The following PDE10A variants were observed in gnomAD, a reference collection of about 807,000 sequenced individuals.
PDE10A encodes the protein cAMP and cAMP-inhibited cGMP 3',5'-cyclic phosphodiesterase 10A.
A neutral mutation model predicts 97.7 loss-of-function variants in PDE10A; 39 were observed. The observed-to-expected ratio is 0.40, with a 90% CI of 0.31 to 0.52. The LOEUF is 0.52. Among genes scored for constraint, PDE10A ranks in the 20% least tolerant of loss-of-function variants. The pLI, the probability that PDE10A is intolerant of heterozygous loss-of-function variation, is 0.56. For missense variants in PDE10A, 731 were observed against 1,047.8 expected, an observed-to-expected ratio of 0.70 and a Z score of 4.17; for synonymous variants, 371 against 376.8, an observed-to-expected ratio of 0.98 and a Z score of 0.18.
intron 1 of PDE10A, among the ~76,000 whole-genome samples, chr6:165,779,213 T>C (rs1158542088): frequency 6.6e-6 from 1 of 152,242 alleles, no homozygotes; most frequent in African/African-American, 2.4e-5. Context: ...CCCCTACGCG[T>C]AACAAAGTTC....
At chr6:165,616,286 G>A (rs1386417853) in intron 1 of PDE10A, among the ~76,000 whole-genome samples, 1 of 152,126 alleles carries the variant, frequency 6.6e-6, no homozygotes, top group Non-Finnish European at 1.5e-5. Context: ...GTCCCTGTGT[G>A]AGAAAGGGAG....
chr6:165,781,328 G>C (rs148612541), intron 1 of PDE10A: 2 of 151,960 alleles, frequency 1.3e-5, no homozygotes, highest in African/African-American at 4.8e-5. Context: ...ATTCTGTTAC[G>C]GCCACACTGT....
At chr6:165,943,137 A>G (rs993784088) in intron 1 of PDE10A, among the ~76,000 whole-genome samples, 5 of 115,418 alleles carry the variant, frequency 4.3e-5, no homozygotes, top group African/African-American at 1.8e-4. Context: ...AGGGGAGGCA[A>G]GAGAGGAGAG....
At chr6:165,599,810 G>A (rs182294658) in intron 1 of PDE10A, among the ~76,000 whole-genome samples, 6 of 152,192 alleles carry the variant, frequency 3.9e-5, no homozygotes, top group South Asian at 4.2e-4. Context: ...GGGCCTCCAC[G>A]GCCTCCTCCA....
intron 1 of PDE10A, among the ~76,000 whole-genome samples, chr6:165,574,938 AG>A (rs1785228776): frequency 6.6e-6 from 1 of 152,202 alleles, no homozygotes; most frequent in African/African-American, 2.4e-5. Flanking sequence ...ATGAATAAGT[AG>A]AAAAATTATT....
chr6:165,855,305 CG>C (rs34074536), intron 1 of PDE10A, among the ~76,000 whole-genome samples: 23,682 of 85,484 alleles, frequency 0.28, 3,473 homozygotes, highest in African/African-American at 0.38. Flanking sequence ...CGGGAAGTGG[CG>C]GGGGGGGGGG....
At chr6:165,754,468 G>C (rs1793072923) in intron 1 of PDE10A, 1 of 152,186 alleles carries the variant, frequency 6.6e-6, no homozygotes, top group Admixed American at 6.5e-5. Context: ...GCAAAGTGCT[G>C]TTGGAGACAA....
intron 1 of PDE10A, among the ~76,000 whole-genome samples, chr6:165,831,180 C>T (rs957132684): frequency 3.3e-5 from 5 of 151,464 alleles, no homozygotes; most frequent in African/African-American, 7.3e-5. Flanking sequence ...GTCAAGAGAT[C>T]GAGACCATGG....
At chr6:165,344,734 C>T (rs570821711) in intron 18 of PDE10A, among the ~76,000 whole-genome samples, 9 of 152,276 alleles carry the variant, frequency 5.9e-5, no homozygotes, top group South Asian at 2.1e-4. Flanking sequence ...CCTGTCAGCT[C>T]GCTTCCTTTA....
chr6:165,958,579 A>AAGAG (rs1784240663), intron 1 of PDE10A, among the ~76,000 whole-genome samples: 1 of 34,484 alleles, frequency 2.9e-5, no homozygotes, highest in African/African-American at 1.1e-4. Flanking sequence ...GACAGAAAGA[A>AAGAG]AGACAGAAAG....
At chr6:165,820,044 T>C (rs1779526236) in intron 1 of PDE10A, among the ~76,000 whole-genome samples, 1 of 152,226 alleles carries the variant, frequency 6.6e-6, no homozygotes, top group East Asian at 1.9e-4. Context: ...AAATTATATT[T>C]GCTAAAATGT....
At chr6:165,392,846 G>A (rs762362191) in intron 15 of PDE10A, 50 bp from the exon 16 acceptor site, 1 of 1,555,484 alleles carries the variant, frequency 6.4e-7, no homozygotes, top group Non-Finnish European at 8.9e-7. Flanking sequence ...GAATCACTAT[G>A]TTGTAGGAGA....
In PDE10A at chr6:165,329,220, C is replaced by G. The variant is rs1385475142; in HGVS notation, c.*3805G>C. 6.6e-6 allele frequency: 1 copy of G among 152,174 alleles called. No individual in the cohort carries two copies. Among genetic ancestry groups the G allele is most frequent in the Non-Finnish European group, 1.5e-5 (1 of 68,038 alleles). The allele number at this position is 152,174 out of a possible 1,614,324, so 9.4% of individuals were successfully genotyped here. On this transcript the variant is annotated 3_prime_UTR_variant, in exon 22 of 22. Transcript: ENST00000539869. Reference sequence around the variant, plus strand: ...TCACATCATAACCAGTGTCACAGTTCTCTGAAGTTCTTGCCGAAAAGACTG... The same window carrying G: ...TCACATCATAACCAGTGTCACAGTTGTCTGAAGTTCTTGCCGAAAAGACTG...
At chr6:165,375,924 C>T (rs890648507) in intron 18 of PDE10A, among the ~76,000 whole-genome samples, 1 of 152,172 alleles carries the variant, frequency 6.6e-6, no homozygotes, top group Non-Finnish European at 1.5e-5. Flanking sequence ...ACTTACTGCT[C>T]AGAAAGAAAG....
At chr6:165,660,978 C>G (rs549663959) in intron 1 of PDE10A, 1 of 152,704 alleles carries the variant, frequency 6.5e-6, no homozygotes, top group African/African-American at 2.4e-5. Flanking sequence ...CATCCGCGAC[C>G]GCGACGCCCC....
intron 10 of PDE10A, among the ~76,000 whole-genome samples, chr6:165,423,965 A>G (rs1415176872): frequency 6.6e-6 from 1 of 152,102 alleles, no homozygotes; most frequent in Non-Finnish European, 1.5e-5. Context: ...CCTCTAATCC[A>G]GGGTTATCTT....
At chr6:165,594,158 T>C (rs910886191) in intron 1 of PDE10A, among the ~76,000 whole-genome samples, 1 of 152,198 alleles carries the variant, frequency 6.6e-6, no homozygotes, top group African/African-American at 2.4e-5. Flanking sequence ...GCACATCTAG[T>C]GCTCAGGTCT....
intron 1 of PDE10A, among the ~76,000 whole-genome samples, chr6:165,895,174 T>C (rs1199236359): frequency 7.1e-6 from 1 of 140,988 alleles, no homozygotes; most frequent in East Asian, 2.2e-4. Context: ...CTGCAGTACT[T>C]GAGAATGCAA....
chr6:165,520,847 C>T (rs780600212), intron 2 of PDE10A, among the ~76,000 whole-genome samples: 26 of 152,088 alleles, frequency 1.7e-4, no homozygotes, highest in Non-Finnish European at 3.1e-4. Context: ...CAGAAACAGA[C>T]CAGTGAGAAA....
Sources: gnomAD v4.1 joint callset for allele counts (sites outside exome capture counted in the v4.1 genomes callset) on GRCh38, gnomAD v4.1.1 for gene constraint, MANE v1.5 for transcripts, NCBI Gene and HGNC (gene_info 2026-07-23, HGNC 2026-07-21) for gene names.